The following FRMD6 variants were observed in gnomAD, a reference collection of about 807,000 sequenced individuals.
FRMD6 encodes FERM domain containing 6, also known as FERM domain-containing protein 6.
A neutral mutation model predicts 73.2 loss-of-function variants in FRMD6; 37 were observed. The ratio of observed to expected loss-of-function variants is 0.51; its 90% confidence interval spans 0.39 to 0.66. The LOEUF is 0.66. Ranked by LOEUF, FRMD6 falls within the 30% of genes least tolerant of loss-of-function variation. The pLI, the probability that FRMD6 is intolerant of heterozygous loss-of-function variation, is 0.00. For synonymous variants in FRMD6, 273 were observed against 282.2 expected, an observed-to-expected ratio of 0.97 and a Z score of 0.33; for missense variants, 714 against 780.5, an observed-to-expected ratio of 0.91 and a Z score of 1.02.
the FRMD6 span, among the ~76,000 whole-genome samples, chr14:51,437,883 G>A: frequency 6.6e-6 from 1 of 152,174 alleles, no homozygotes; most frequent in East Asian, 1.9e-4. Context: ...AGAAAAACCT[G>A]TTCCCTTTGC....
chr14:51,534,762 C>A (rs548844084), intron 1 of FRMD6, among the ~76,000 whole-genome samples: 1 of 152,322 alleles, frequency 6.6e-6, no homozygotes, highest in South Asian at 2.1e-4. Context: ...CAAAGGCCTG[C>A]ACTTCAGCTG....
At position 51,730,615 on chromosome 14, in the gene FRMD6, T is replaced by C. The variant is rs1265234780; in HGVS notation, c.*2586T>C. ...TCCTTTCTGTGAAAGGATCATCATATCAAGATGATACCAAAAGTATGTAAA... is the reference window on the plus strand; with the variant it reads ...TCCTTTCTGTGAAAGGATCATCATACCAAGATGATACCAAAAGTATGTAAA... On this transcript the variant is annotated 3_prime_UTR_variant, in exon 14 of 14. Transcript: ENST00000344768. The C allele has an allele frequency of 6.5e-6, 1 of 152,678 alleles. No individual in the cohort carries two copies. Among genetic ancestry groups the C allele is most frequent in the East Asian group, 1.9e-4 (1 of 5,192 alleles). 9.5% of individuals were successfully genotyped at this position (152,678 alleles called of 1,614,324 possible). A position where few individuals can be genotyped will look rare whatever the true frequency, so the allele number is the denominator to read the frequency against.
At chr14:51,491,264 G>C (rs1045560003) in intron 1 of FRMD6, 1 of 152,264 alleles carries the variant, frequency 6.6e-6, no homozygotes, top group African/African-American at 2.4e-5. Flanking sequence ...CCACAGGCAA[G>C]GTTGATAGAT....
intron 1 of FRMD6, among the ~76,000 whole-genome samples, chr14:51,490,368 T>C (rs1460317976): frequency 6.6e-6 from 1 of 152,216 alleles, no homozygotes; most frequent in Non-Finnish European, 1.5e-5. Context: ...TGTGTGCTTG[T>C]GTTTCTGCAT....
chr14:51,398,561 T>A, the FRMD6 span, among the ~76,000 whole-genome samples: 2 of 148,260 alleles, frequency 1.3e-5, no homozygotes, highest in African/African-American at 2.5e-5. Flanking sequence ...GCAAATTGCA[T>A]TTTTTTTTTG....
intron 13 of FRMD6, 36 bp from the exon 14 acceptor site, chr14:51,727,709 A>C: frequency 6.4e-7 from 1 of 1,556,970 alleles, no homozygotes; most frequent in East Asian, 2.3e-5. Context: ...CTAACCTTTC[A>C]CTTTAAAGTT....
intron 1 of FRMD6, among the ~76,000 whole-genome samples, chr14:51,554,403 C>T (rs1267589046): frequency 1.3e-5 from 2 of 152,154 alleles, no homozygotes; most frequent in Non-Finnish European, 2.9e-5. Context: ...TGTATAGTAA[C>T]TTCCTTCCAA....
chr14:51,541,672 A>C (rs1886207817), intron 1 of FRMD6, among the ~76,000 whole-genome samples: 1 of 152,072 alleles, frequency 6.6e-6, no homozygotes, highest in African/African-American at 2.4e-5. Context: ...GGGAGGAAGC[A>C]CTAGAAACAA....
intron 7 of FRMD6, among the ~76,000 whole-genome samples, chr14:51,708,833 A>G (rs1896779182): frequency 6.6e-6 from 1 of 152,194 alleles, no homozygotes; most frequent in Non-Finnish European, 1.5e-5. Flanking sequence ...CAAAGCCAGG[A>G]TTTAGTCAAG....
At chr14:51,667,196 GA>G (rs1165979246) in intron 1 of FRMD6, among the ~76,000 whole-genome samples, 1 of 152,062 alleles carries the variant, frequency 6.6e-6, no homozygotes, top group Non-Finnish European at 1.5e-5. Context: ...TTTATTTTAT[GA>G]AACTATAATT....
Position 51,704,909 on chromosome 14 carries a change from G to A in FRMD6, c.532G>A (p.Glu178Lys), listed in dbSNP as rs781384641. ...KRNKHYGKYF[E>K]PEAYFPSWVV... is the part of the protein sequence containing the mutation. Reference sequence around the variant, plus strand: ...GAATAAGCACTATGGAAAATACTTCGAGCCAGAGGCTTACTTCCCATCTTG... The same window carrying A: ...GAATAAGCACTATGGAAAATACTTCAAGCCAGAGGCTTACTTCCCATCTTG... Residue 178 changes from glutamate to lysine, a missense_variant, in exon 6 of 14, where the codon GAG becomes AAG. By Grantham distance (56) the Glu-to-Lys change is moderately conservative (BLOSUM62 1). Transcript: ENST00000344768. The A allele has an allele frequency of 8.1e-6, 13 of 1,609,692 alleles. No homozygotes were observed. The African/African-American group carries it at 9.4e-5, about 12-fold the overall frequency.
chr14:51,689,854 T>C lies in FRMD6; in HGVS notation c.18T>C (p.Phe6=), dbSNP rs751557715. The change falls in exon 2 of 14, where the codon TTT becomes TTC. Residue 6 remains phenylalanine (F), a synonymous_variant. Transcript: ENST00000344768. MNKLN[F]HNNRVMQDRR... is the part of the protein sequence containing the mutation. The stretch of plus-strand genomic sequence containing the variant: ...AAAACACAATGAACAAATTGAATTT[T>C]CATAACAACAGAGTCATGCAAGACC... 67 of 1,612,162 alleles carry C rather than the reference T, an allele frequency of 4.2e-5. 1 individual carries two copies. Among genetic ancestry groups the C allele is most frequent in the Non-Finnish European group, 5.7e-5 (67 of 1,179,064 alleles).
At chr14:51,569,876 C>T (rs922731922) in intron 1 of FRMD6, among the ~76,000 whole-genome samples, 8 of 151,112 alleles carry the variant, frequency 5.3e-5, no homozygotes, top group South Asian at 2.1e-4. Context: ...AGTGCAGTGG[C>T]GCGATCTCGG....
At chr14:51,482,417 C>A in the FRMD6 span, among the ~76,000 whole-genome samples, 1 of 152,242 alleles carries the variant, frequency 6.6e-6, no homozygotes, top group Non-Finnish European at 1.5e-5. Flanking sequence ...GTTTCTAGAA[C>A]AAAGCTCAAC....
At chr14:51,701,534 G>GTA (rs1032896676) in intron 4 of FRMD6, among the ~76,000 whole-genome samples, 2 of 145,804 alleles carry the variant, frequency 1.4e-5, no homozygotes, top group Non-Finnish European at 3.0e-5. Context: ...GTTCTAAAGT[G>GTA]TATATATATA....
At chr14:51,714,319 A>T (rs1407144291) in intron 9 of FRMD6, 1 of 78,312 alleles carries the variant, frequency 1.3e-5, no homozygotes, top group South Asian at 4.5e-4. Context: ...CAGAGATTTA[A>T]AAAAAAAACA....
intron 2 of FRMD6, among the ~76,000 whole-genome samples, chr14:51,640,834 A>G (rs1163238426): frequency 1.3e-5 from 2 of 152,240 alleles, no homozygotes; most frequent in Admixed American, 6.5e-5. Context: ...AGTTTCATCT[A>G]TTAAATATAT....
chr14:51,402,510 G>A, the FRMD6 span, among the ~76,000 whole-genome samples: 1 of 152,124 alleles, frequency 6.6e-6, no homozygotes, highest in Non-Finnish European at 1.5e-5. Flanking sequence ...TGCCATCCAC[G>A]TAAGATATGA....
At chr14:51,564,522 C>T (rs1397842126) in intron 1 of FRMD6, among the ~76,000 whole-genome samples, 1 of 152,150 alleles carries the variant, frequency 6.6e-6, no homozygotes, top group Non-Finnish European at 1.5e-5. Context: ...GAGCAGGCAG[C>T]TCCGGGGTCT....
Sources: allele counts gnomAD v4.1 joint callset (sites outside exome capture counted in the v4.1 genomes callset), GRCh38; gene constraint gnomAD v4.1.1; transcripts MANE v1.5; gene names NCBI Gene and HGNC (gene_info 2026-07-23, HGNC 2026-07-21).